GPBP1L1: variants seen among roughly 807,000 people sequenced by gnomAD.
GPBP1L1 encodes GC-rich promoter binding protein 1 like 1.
Under a neutral mutation model 52.5 loss-of-function variants are expected in GPBP1L1, and 23 were observed. The ratio of observed to expected loss-of-function variants is 0.44; its 90% CI spans 0.32 to 0.62. GPBP1L1 has a LOEUF of 0.62. Ranked by LOEUF, GPBP1L1 falls within the 20% of genes least tolerant of loss-of-function variation. The pLI is 0.06. For synonymous variants in GPBP1L1, 243 were observed against 203.1 expected (o/e 1.20, Z -1.67); for missense variants, 596 against 579.3 (o/e 1.03, Z -0.30).
chr1:45,685,089 A>T (rs1373313833), intron 2 of GPBP1L1, among the ~76,000 whole-genome samples: 2 of 152,014 alleles, frequency 1.3e-5, no homozygotes, highest in African/African-American at 4.8e-5. Context: ...CAAACAAAAG[A>T]CAGTCTCTTG....
At position 45,654,676 on chromosome 1, in the gene GPBP1L1, C is replaced by T; in HGVS notation, c.344G>A (p.Gly115Glu). The part of the protein sequence containing the change: ...GMSQRSGGGT[G>E]NHRHWNGSFH... ...GCTGCCATTCCAATGGCGATGGTTCCCTGTGCCACCTCCACTACGTTGGCT... is the reference window on the plus strand; with the variant it reads ...GCTGCCATTCCAATGGCGATGGTTCTCTGTGCCACCTCCACTACGTTGGCT... The change falls in exon 6 of 13, where the codon GGG (glycine) becomes GAG (glutamate). Residue 115 changes from glycine to glutamate, a missense_variant. Physicochemically the swap from Gly to Glu is moderately conservative, Grantham distance 98. Coordinates refer to ENST00000355105, the MANE Select transcript of GPBP1L1 (RefSeq NM_021639.5). 2.5e-6 allele frequency: 4 copies of T among 1,614,158 alleles called. No homozygotes were observed. The highest frequency in any genetic ancestry group is 4.5e-5 in the East Asian group (2 of 44,886).
chr1:45,628,867 T>C (rs1295529380), intron 12 of GPBP1L1, among the ~76,000 whole-genome samples: 3 of 152,192 alleles, frequency 2.0e-5, no homozygotes, highest in Non-Finnish European at 4.4e-5. Context: ...CTTCACCATA[T>C]TGGCCAGTAT....
intron 4 of GPBP1L1, among the ~76,000 whole-genome samples, chr1:45,658,088 G>T (rs1386913990): frequency 6.6e-6 from 1 of 152,140 alleles, no homozygotes; most frequent in African/African-American, 2.4e-5. Context: ...TGATTCTTTT[G>T]TGTACTGTGA....
chr1:45,675,876 C>T (rs1041476515), intron 2 of GPBP1L1, among the ~76,000 whole-genome samples: 20 of 152,168 alleles, frequency 1.3e-4, no homozygotes, highest in Non-Finnish European at 7.4e-5. Context: ...TTGAGCATTC[C>T]TTATTCCTTA....
intron 2 of GPBP1L1, among the ~76,000 whole-genome samples, chr1:45,683,787 T>C (rs1569903238): frequency 6.9e-6 from 1 of 145,358 alleles, no homozygotes; most frequent in Non-Finnish European, 1.5e-5. Flanking sequence ...CTGGGTGCGG[T>C]GGCACGCACC....
At chr1:45,639,122 T>A (rs1375649892) in intron 8 of GPBP1L1, among the ~76,000 whole-genome samples, 1 of 152,136 alleles carries the variant, frequency 6.6e-6, no homozygotes, top group East Asian at 1.9e-4. Context: ...TATCTGGCCC[T>A]TCATAGAAAA....
At chr1:45,635,891 C>G (rs1390091196) in intron 8 of GPBP1L1, among the ~76,000 whole-genome samples, 1 of 152,130 alleles carries the variant, frequency 6.6e-6, no homozygotes. Context: ...CTTCTCTTTC[C>G]TTTTGGGTTT....
At chr1:45,629,736 A>G in intron 11 of GPBP1L1, 58 bp from the exon 12 acceptor site, 2 of 1,110,004 alleles carry the variant, frequency 1.8e-6, no homozygotes, top group Non-Finnish European at 2.7e-6. Context: ...CTAAGTGAAC[A>G]GCCCACCACT....
At chr1:45,650,160 A>G (rs1163058298) in intron 6 of GPBP1L1, among the ~76,000 whole-genome samples, 1 of 152,186 alleles carries the variant, frequency 6.6e-6, no homozygotes, top group South Asian at 2.1e-4. Flanking sequence ...GCATCCTCTC[A>G]GAGTCCCTTC....
intron 2 of GPBP1L1, among the ~76,000 whole-genome samples, chr1:45,669,892 ACTC>A (rs35622228): frequency 0.28 from 42,885 of 151,808 alleles, 6,143 homozygotes; most frequent in South Asian, 0.36. Flanking sequence ...ACAAAACTGA[ACTC>A]CTTTTTAGTA....
intron 3 of GPBP1L1, 44 bp from the exon 4 acceptor site, chr1:45,659,186 G>T: frequency 8.9e-7 from 1 of 1,122,596 alleles, no homozygotes; most frequent in Non-Finnish European, 1.3e-6. Context: ...ACAAGAATCT[G>T]ATACCAATGT....
intron 8 of GPBP1L1, among the ~76,000 whole-genome samples, chr1:45,639,562 A>G (rs1644641785): frequency 7.3e-6 from 1 of 137,740 alleles, no homozygotes; most frequent in South Asian, 2.4e-4. Context: ...TTCTGTCTCT[A>G]CAAAAAATAA....
chr1:45,651,018 C>T (rs1004204730), intron 6 of GPBP1L1: 39 of 421,766 alleles, frequency 9.2e-5, no homozygotes, highest in African/African-American at 6.7e-4. Flanking sequence ...GAAAGCTCAA[C>T]AGTGTACATT....
intron 2 of GPBP1L1, among the ~76,000 whole-genome samples, chr1:45,683,203 CTTTTTTTTTT>C (rs764606358): frequency 6.0e-5 from 5 of 83,776 alleles, no homozygotes; most frequent in East Asian, 3.8e-4. Context: ...GAATATAGGC[CTTTTTTTTTT>C]TTTTTTTTTT....
chr1:45,639,855 G>C (rs1283615665), intron 8 of GPBP1L1, among the ~76,000 whole-genome samples: 1 of 152,006 alleles, frequency 6.6e-6, no homozygotes, highest in African/African-American at 2.4e-5. Flanking sequence ...TCCAGCCTGG[G>C]TGACAGAGCG....
intron 6 of GPBP1L1, among the ~76,000 whole-genome samples, chr1:45,649,548 G>C (rs947905350): frequency 6.6e-6 from 1 of 151,808 alleles, no homozygotes; most frequent in African/African-American, 2.4e-5. Flanking sequence ...CTTGTCTGAG[G>C]TCTCCTATGA....
intron 8 of GPBP1L1, chr1:45,635,246 T>C (rs1250676252): frequency 6.6e-6 from 1 of 152,162 alleles, no homozygotes; most frequent in African/African-American, 2.4e-5. Context: ...AGCTAGTAAA[T>C]GAAACCACCT....
chr1:45,684,214 AGC>A (rs1388182754), intron 2 of GPBP1L1, among the ~76,000 whole-genome samples: 1 of 136,080 alleles, frequency 7.3e-6, no homozygotes, highest in Non-Finnish European at 1.5e-5. Flanking sequence ...ACAGAAATCA[AGC>A]CACCGCACTC....
rs540229680 is a variant in GPBP1L1, at chr1:45,642,435, C to G, written c.542G>C (p.Gly181Ala). The G allele has an allele frequency of 2.5e-6, 4 of 1,613,296 alleles. No individual in the cohort carries two copies. The highest frequency in any genetic ancestry group is 3.4e-6 in the Non-Finnish European group (4 of 1,179,396). Reference sequence around the variant, plus strand: ...TGGCAAAATCTACCTACCCCATACTCCAGAAGGTGTCCCAATAGGTCTGCA... The same window carrying G: ...TGGCAAAATCTACCTACCCCATACTGCAGAAGGTGTCCCAATAGGTCTGCA... ...QPCRPIGTPS[G>A]VWENPPSAKQ... The change falls in exon 7 of 13, where the codon GGA (glycine) becomes GCA (alanine). Residue 181 changes from glycine to alanine, a missense_variant. Gly to Ala is a moderately conservative substitution (Grantham distance 60). Transcript: ENST00000355105.
Sources: allele counts gnomAD v4.1 joint callset (sites outside exome capture counted in the v4.1 genomes callset), GRCh38; gene constraint gnomAD v4.1.1; transcripts MANE v1.5; gene names NCBI Gene and HGNC (gene_info 2026-07-23, HGNC 2026-07-21).